Variants in LGALS8 observed in about 807,000 individuals in gnomAD.
The protein encoded by LGALS8 is galectin-8.
Under a neutral mutation model 35.9 loss-of-function variants are expected in LGALS8, and 30 were observed. The ratio of observed to expected loss-of-function variants is 0.83; its 90% CI spans 0.62 to 1.13. The LOEUF (loss-of-function observed/expected upper bound fraction) is 1.13. Among genes scored for constraint, LGALS8 ranks in the 50% most tolerant of loss-of-function variants. The probability of loss-of-function intolerance (pLI) is 0.00; values close to 1 mark genes in which losing one functional copy is unlikely to be tolerated. For missense variants in LGALS8, 366 were observed against 388.7 expected, an observed-to-expected ratio of 0.94 and a Z score of 0.49; for synonymous variants, 138 against 136.1, an observed-to-expected ratio of 1.01 and a Z score of -0.10.
chr1:236,531,830 T>C (rs1661167131), intron 2 of LGALS8, among the ~76,000 whole-genome samples: 1 of 152,148 alleles, frequency 6.6e-6, no homozygotes, highest in Admixed American at 6.5e-5. Context: ...CTCACCAGCA[T>C]AGAGTTGTAC....
chr1:236,523,369 A>G (rs971343804), upstream of LGALS8: 1 of 152,406 alleles, frequency 6.6e-6, no homozygotes, highest in East Asian at 1.9e-4. Context: ...CCCTTCCCCC[A>G]CCGTTTCACC....
intron 9 of LGALS8, 78 bp downstream of exon 9, chr1:236,544,993 C>G (rs1235438755): frequency 3.6e-6 from 4 of 1,105,732 alleles, no homozygotes; most frequent in Non-Finnish European, 5.3e-6. Flanking sequence ...CCATTTAAAT[C>G]AAGTCCTAAC....
At chr1:236,536,954 C>T (rs912022228) in intron 2 of LGALS8, among the ~76,000 whole-genome samples, 1 of 149,482 alleles carries the variant, frequency 6.7e-6, no homozygotes, top group African/African-American at 2.4e-5. Context: ...TACCTTGTGT[C>T]TCTTTCCAAA....
chr1:236,527,689 C>CAAA (rs74680187), intron 2 of LGALS8, among the ~76,000 whole-genome samples: 3,308 of 150,294 alleles, frequency 0.022, 28 homozygotes, highest in Middle Eastern at 0.089. Flanking sequence ...TTCAATGTTC[C>CAAA]AAAAAAAAAG....
intron 2 of LGALS8, among the ~76,000 whole-genome samples, chr1:236,535,949 C>T (rs986590754): frequency 2.6e-5 from 4 of 152,210 alleles, no homozygotes; most frequent in African/African-American, 9.6e-5. Flanking sequence ...AGTTACCGAT[C>T]GTCTCTTGAC....
upstream of LGALS8, among the ~76,000 whole-genome samples, chr1:236,522,879 T>C (rs933824763): frequency 6.6e-6 from 1 of 152,136 alleles, no homozygotes; most frequent in African/African-American, 2.4e-5. Flanking sequence ...GAACATGAGT[T>C]CCCAGTTATG....
chr1:236,550,782 G>C lies in LGALS8; in HGVS notation c.*2621G>C. The C allele has an allele frequency of 1.4e-6, 1 of 718,592 alleles. No homozygotes were observed. The highest frequency in any genetic ancestry group is 2.0e-5 in the South Asian group (1 of 50,210). 44.5% of individuals were successfully genotyped at this position (718,592 alleles called of 1,614,324 possible). ...TTTGTAAAGAAGTGATAAAACATTT[G>C]TAAGTAATCCAAGTAGGTGTATTAA... On this transcript the variant is annotated 3_prime_UTR_variant, in exon 10 of 10. Coordinates refer to ENST00000366584, the MANE Select transcript of LGALS8 (RefSeq NM_201544.4).
At chr1:236,539,359 T>A in intron 4 of LGALS8, 1 of 457,530 alleles carries the variant, frequency 2.2e-6, no homozygotes, top group East Asian at 4.0e-5. Flanking sequence ...AGGGCTGAGT[T>A]CCGAATTGAC....
chr1:236,528,342 A>G (rs1660936280), intron 2 of LGALS8, among the ~76,000 whole-genome samples: 2 of 149,948 alleles, frequency 1.3e-5, no homozygotes, highest in African/African-American at 4.9e-5. Flanking sequence ...AGATGGTGCC[A>G]CTGCACTCCA....
Position 236,548,015 on chromosome 1 carries a change from A to ATAAT in LGALS8, c.810_813dup (p.Tyr272AsnfsTer4), listed in dbSNP as rs752166289. The ATAAT allele has an allele frequency of 1.2e-6, 2 of 1,610,282 alleles. No individual in the cohort carries two copies. The highest frequency in any genetic ancestry group is 3.3e-5 in the Admixed American group (2 of 59,946). ...GGCATGTATCCTTTCCTTTCAGATG[A>ATAAT]TAATTTATTGTGATGTTAGAGAATT... On this transcript the variant is annotated frameshift_variant, in exon 10 of 10. Coordinates refer to ENST00000366584, the MANE Select transcript of LGALS8 (RefSeq NM_201544.4). LOFTEE classifies it high-confidence loss of function.
chr1:236,544,441 G>A (rs1233057680), intron 8 of LGALS8, among the ~76,000 whole-genome samples: 1 of 152,162 alleles, frequency 6.6e-6, no homozygotes, highest in Non-Finnish European at 1.5e-5. Context: ...AGGATCCCAG[G>A]CTCCTGCAGC....
chr1:236,526,016 TA>T lies in LGALS8; in HGVS notation c.-51del. 6.8e-7 allele frequency: 1 copy of T among 1,465,632 alleles called. No homozygotes were observed. The highest frequency in any genetic ancestry group is 9.5e-7 in the Non-Finnish European group (1 of 1,049,032). 90.8% of individuals were successfully genotyped at this position (1,465,632 alleles called of 1,614,324 possible). A position where few individuals can be genotyped will look rare whatever the true frequency, so the allele number is the denominator to read the frequency against. On this transcript the variant is annotated 5_prime_UTR_variant, in exon 2 of 10. Coordinates refer to ENST00000366584, the MANE Select transcript of LGALS8 (RefSeq NM_201544.4). This position sits in a 1 kb window ranked among gnomAD's most constrained non-coding sequence, Gnocchi z 4.6. The stretch of plus-strand genomic sequence containing the variant: ...AGGTAACCTTTAAATGAAACTTGCC[TA>T]AAATCTTAGGTCATACACAGAAGAG...
At chr1:236,521,752 C>T (rs965368154), upstream of LGALS8, among the ~76,000 whole-genome samples, 15 of 151,366 alleles carry the variant, frequency 9.9e-5, no homozygotes, top group East Asian at 7.8e-4. Flanking sequence ...CACTTGAACA[C>T]GGTAGGCAGA....
intron 4 of LGALS8, among the ~76,000 whole-genome samples, chr1:236,539,674 T>C (rs1661831801): frequency 6.6e-6 from 1 of 152,218 alleles, no homozygotes; most frequent in South Asian, 2.1e-4. Flanking sequence ...AGTAGAGGTA[T>C]GTACCAACGC....
At chr1:236,544,952 G>A (rs762425404) in intron 9 of LGALS8, 37 bp downstream of exon 9, 1 of 1,520,148 alleles carries the variant, frequency 6.6e-7, no homozygotes, top group Non-Finnish European at 9.0e-7. Flanking sequence ...ACAGCAATAA[G>A]AATCCTGGGA....
intron 2 of LGALS8, among the ~76,000 whole-genome samples, chr1:236,529,643 TTCTC>T (rs1401932328): frequency 2.1e-5 from 3 of 146,118 alleles, no homozygotes; most frequent in Non-Finnish European, 4.5e-5. Flanking sequence ...TTTTTCTTTC[TTCTC>T]TTTTTTTTTT....
intron 2 of LGALS8, among the ~76,000 whole-genome samples, chr1:236,528,545 AAT>A (rs1491123534): frequency 9.6e-4 from 66 of 68,440 alleles, no homozygotes; most frequent in Admixed American, 3.6e-3. Context: ...TAATGTTTCC[AAT>A]TTTTTTTTTT....
At chr1:236,527,703 GT>G (rs1558155302) in intron 2 of LGALS8, among the ~76,000 whole-genome samples, 1 of 151,012 alleles carries the variant, frequency 6.6e-6, no homozygotes, top group Non-Finnish European at 1.5e-5. Flanking sequence ...AAAAAAGGCT[GT>G]AAATAACTTA....
chr1:236,543,848 G>A (rs562520585), intron 8 of LGALS8, among the ~76,000 whole-genome samples, 200 bp downstream of exon 8: 4 of 152,222 alleles, frequency 2.6e-5, no homozygotes, highest in East Asian at 1.9e-4. Flanking sequence ...TTCTGACCTC[G>A]GCTTTTTCTG....
Sources: allele counts gnomAD v4.1 joint callset (sites outside exome capture counted in the v4.1 genomes callset), GRCh38; gene constraint gnomAD v4.1.1; non-coding constraint Gnocchi (gnomAD v3.1); transcripts MANE v1.5; gene names NCBI Gene and HGNC (gene_info 2026-07-23, HGNC 2026-07-21).